The following VPS72 variants were observed in gnomAD, a reference collection of about 807,000 sequenced individuals.
VPS72 encodes vacuolar protein sorting 72 homolog.
In VPS72, 27 loss-of-function variants were observed where a neutral mutation model predicts 38.9. The ratio of observed to expected loss-of-function variants is 0.69; its 90% CI spans 0.51 to 0.96. VPS72 has a LOEUF of 0.96. Ranked by LOEUF, VPS72 falls within the 40% of genes least tolerant of loss-of-function variation. The probability of loss-of-function intolerance (pLI) is 0.00; values close to 1 mark genes in which losing one functional copy is unlikely to be tolerated. For missense variants in VPS72, 360 were observed against 479.5 expected, an observed-to-expected ratio of 0.75 and a Z score of 2.33; for synonymous variants, 173 against 186.3, an observed-to-expected ratio of 0.93 and a Z score of 0.58.
chr1:151,178,274 TG>T, intron 4 of VPS72, 129 bp from the exon 5 acceptor site: 2 of 1,303,620 alleles, frequency 1.5e-6, no homozygotes, highest in Non-Finnish European at 2.0e-6. Context: ...GAGACAACTA[TG>T]GAAGTCCCCT....
At chr1:151,180,658 G>T (rs1489968988) in intron 4 of VPS72, among the ~76,000 whole-genome samples, 1 of 152,070 alleles carries the variant, frequency 6.6e-6, no homozygotes, top group East Asian at 1.9e-4. Context: ...GGATGGTCTG[G>T]AACTCCTGAC....
intron 1 of VPS72, among the ~76,000 whole-genome samples, chr1:151,189,211 G>A (rs917685605): frequency 6.6e-6 from 1 of 152,152 alleles, no homozygotes; most frequent in Admixed American, 6.5e-5. Context: ...AGTATGTAAG[G>A]ACAGAGCACT....
At chr1:151,187,569 C>T (rs1031851870) in intron 1 of VPS72, among the ~76,000 whole-genome samples, 1 of 152,160 alleles carries the variant, frequency 6.6e-6, no homozygotes, top group African/African-American at 2.4e-5. Flanking sequence ...ACCATTCCTT[C>T]GGCTTTTATT....
In VPS72 at chr1:151,176,973, T is replaced by C. The variant is rs1245932921; in HGVS notation, c.766A>G (p.Asn256Asp). Reference sequence around the variant, plus strand: ...GTACGTGAGCAGCGAGCAGGGGGGTTGACGGGTCCAGTCCCAGCATGAGGA... The same window carrying C: ...GTACGTGAGCAGCGAGCAGGGGGGTCGACGGGTCCAGTCCCAGCATGAGGA... The part of the protein sequence containing the change: ...LTPHAGTGPV[N>D]PPARCSRTFI... The change falls in exon 6 of 6, where the codon AAC becomes GAC. Residue 256 changes from asparagine (N) to aspartate (D), a missense_variant. Around this residue, in one of 2 missense-constraint regions of VPS72, gnomAD observed 294 missense variants for 356.3 expected, o/e 0.83. Coordinates refer to ENST00000368892, the MANE Select transcript of VPS72 (RefSeq NM_005997.3). The C allele has an allele frequency of 6.2e-7, 1 of 1,605,834 alleles. No homozygotes were observed. Among genetic ancestry groups the C allele is most frequent in the East Asian group, 2.2e-5 (1 of 44,762 alleles).
intron 1 of VPS72, among the ~76,000 whole-genome samples, chr1:151,188,698 T>C (rs760088516): frequency 2.0e-5 from 3 of 152,240 alleles, no homozygotes; most frequent in Non-Finnish European, 4.4e-5. Context: ...CTGCTTTTCA[T>C]CAAGCTAAGG....
Position 151,176,472 on chromosome 1 carries a change from T to C in VPS72, c.*172A>G. On this transcript the variant is annotated 3_prime_UTR_variant, in exon 6 of 6. Transcript: ENST00000368892. ...GGACACCAGACAAAAGGGATCTTTC[T>C]ATTTTATTAGATTAAAAAACACAAC... 1 of 1,144,510 alleles carries C rather than the reference T, an allele frequency of 8.7e-7. No homozygotes were observed. The highest frequency in any genetic ancestry group is 1.6e-5 in the South Asian group (1 of 62,840). The allele number at this position is 1,144,510 out of a possible 1,614,324, so 70.9% of individuals were successfully genotyped here.
At chr1:151,180,250 C>T (rs763683384) in intron 4 of VPS72, among the ~76,000 whole-genome samples, 9 of 149,682 alleles carry the variant, frequency 6.0e-5, no homozygotes, top group Middle Eastern at 7.1e-3. Flanking sequence ...ACCTGGGAGG[C>T]GGAGGTTGCA....
intron 4 of VPS72, among the ~76,000 whole-genome samples, chr1:151,183,176 C>T (rs1469907849): frequency 2.0e-5 from 3 of 151,990 alleles, no homozygotes; most frequent in Non-Finnish European, 4.4e-5. Context: ...AATCCCAGCA[C>T]TTTGGGAGGG....
At chr1:151,181,017 T>C (rs774860016) in intron 4 of VPS72, among the ~76,000 whole-genome samples, 3 of 152,288 alleles carry the variant, frequency 2.0e-5, no homozygotes, top group African/African-American at 7.2e-5. Context: ...CCCTTCTCTT[T>C]TGAGACCTGT....
At chr1:151,188,906 C>G (rs1480784514) in intron 1 of VPS72, among the ~76,000 whole-genome samples, 1 of 152,172 alleles carries the variant, frequency 6.6e-6, no homozygotes, top group African/African-American at 2.4e-5. Flanking sequence ...TCTCGGCTCA[C>G]TGCAACCTCC....
chr1:151,182,320 C>T (rs1448583495), intron 4 of VPS72, among the ~76,000 whole-genome samples: 1 of 152,100 alleles, frequency 6.6e-6, no homozygotes, highest in East Asian at 1.9e-4. Context: ...TGAGCCACGG[C>T]GCCCGGCCAC....
chr1:151,189,740 T>C (rs1187978959), intron 1 of VPS72, among the ~76,000 whole-genome samples: 1 of 151,914 alleles, frequency 6.6e-6, no homozygotes, highest in Non-Finnish European at 1.5e-5. Flanking sequence ...ATACGGTAGG[T>C]TTCTGCCGTT....
chr1:151,184,688 C>T (rs1262033581), intron 3 of VPS72, among the ~76,000 whole-genome samples, 195 bp from the exon 4 acceptor site: 1 of 151,174 alleles, frequency 6.6e-6, no homozygotes, highest in African/African-American at 2.4e-5. Context: ...TGGGTTCAAA[C>T]AATTCTCCTG....
In VPS72 at chr1:151,186,822, G is replaced by A. The variant is rs587617800; in HGVS notation, c.118-872C>T. On this transcript the variant is annotated intron_variant, in intron 1 of 5. Coordinates refer to ENST00000368892, the MANE Select transcript of VPS72 (RefSeq NM_005997.3). ...CCAACACTGATTGCACTGTAGGACT[G>A]TATGATTTGAAAAGAAGGTTGCATT... 2.6e-5 allele frequency among the ~76,000 whole-genome samples: 4 copies of A among 152,342 alleles called. No homozygotes were observed. In the South Asian group the frequency reaches 8.3e-4, roughly 32 times the overall value.
intron 4 of VPS72, among the ~76,000 whole-genome samples, chr1:151,183,366 G>A (rs1356647100): frequency 7.6e-6 from 1 of 131,226 alleles, no homozygotes; most frequent in East Asian, 2.4e-4. Context: ...AGCTTGCAGT[G>A]AGCCGAGATC....
intron 4 of VPS72, among the ~76,000 whole-genome samples, chr1:151,179,613 C>T (rs1384926378): frequency 9.2e-5 from 14 of 152,068 alleles, no homozygotes; most frequent in Non-Finnish European, 1.2e-4. Context: ...AAAAGAATCA[C>T]CATGCACGGT....
chr1:151,176,957 C>T lies in VPS72; in HGVS notation c.782G>A (p.Cys261Tyr), dbSNP rs772463530. The T allele has an allele frequency of 1.9e-6, 3 of 1,610,906 alleles. No homozygotes were observed. Among genetic ancestry groups the T allele is most frequent in the East Asian group, 2.2e-5 (1 of 44,818 alleles). The change falls in exon 6 of 6, where the codon TGC becomes TAC. Residue 261 changes from cysteine (C) to tyrosine (Y), a missense_variant. Cys to Tyr is a radical substitution (Grantham distance 194, BLOSUM62 -2). Coordinates refer to ENST00000368892, the MANE Select transcript of VPS72 (RefSeq NM_005997.3). ...ACTAAAAGTGATGAAGGTACGTGAG[C>T]AGCGAGCAGGGGGGTTGACGGGTCC... ...GTGPVNPPAR[C>Y]SRTFITFSDD...
Position 151,184,493 on chromosome 1 carries a change from C to A in VPS72, c.386G>T (p.Ser129Ile), listed in dbSNP as rs779799584. 3.1e-6 allele frequency: 5 copies of A among 1,604,494 alleles called. No individual in the cohort carries two copies. The Admixed American group carries it at 8.4e-5, about 27-fold the overall frequency. The part of the protein sequence containing the change: ...PLELQDDGSD[S>I]RKSMRQSTAE... ...TGTAGACTGACGCATAGACTTCCGACCTGGAAGAGAGTGAGATAAGAAGAA... is the reference window on the plus strand; with the variant it reads ...TGTAGACTGACGCATAGACTTCCGAACTGGAAGAGAGTGAGATAAGAAGAA... The change falls in exon 4 of 6, where the codon AGT (serine) becomes ATT (isoleucine). Residue 129 changes from serine (S) to isoleucine (I), a missense_variant and splice_region_variant. Around this residue, in one of 2 missense-constraint regions of VPS72, gnomAD observed 294 missense variants for 356.3 expected, o/e 0.83. Coordinates refer to ENST00000368892, the MANE Select transcript of VPS72 (RefSeq NM_005997.3).
chr1:151,185,747 A>T, intron 2 of VPS72, 51 bp downstream of exon 2: 1 of 1,611,786 alleles, frequency 6.2e-7, no homozygotes, highest in Non-Finnish European at 8.5e-7. Flanking sequence ...ACCTGATGAA[A>T]GAGAGAATAG....
Sources: gnomAD v4.1 joint callset for allele counts (sites outside exome capture counted in the v4.1 genomes callset) on GRCh38, gnomAD v4.1.1 for gene constraint, gnomAD v4.1.1 regional missense constraint, MANE v1.5 for transcripts, NCBI Gene and HGNC (gene_info 2026-07-23, HGNC 2026-07-21) for gene names.